GNB4: variants seen among roughly 807,000 people sequenced by gnomAD.
GNB4 encodes the protein G protein subunit beta 4.
GNB4 carries 28 observed loss-of-function variants against 45.2 expected under a neutral mutation model. That is an observed-to-expected ratio of 0.62 (90% CI 0.46 to 0.85). The LOEUF (loss-of-function observed/expected upper bound fraction) is 0.85. GNB4 is among the 40% of genes least tolerant of loss of function. GNB4 has a pLI of 0.00. For synonymous variants in GNB4, 132 were observed against 143.7 expected, an observed-to-expected ratio of 0.92 and a Z score of 0.58; for missense variants, 321 against 425.4, an observed-to-expected ratio of 0.75 and a Z score of 2.16.
At chr3:179,470,747 G>A in the GNB4 span, among the ~76,000 whole-genome samples, 1 of 151,804 alleles carries the variant, frequency 6.6e-6, no homozygotes, top group South Asian at 2.1e-4. Flanking sequence ...GTTTTATCGT[G>A]TTAGCCAGGA....
chr3:179,500,981 T>C, the GNB4 span, among the ~76,000 whole-genome samples: 1 of 152,220 alleles, frequency 6.6e-6, no homozygotes, highest in East Asian at 1.9e-4. Flanking sequence ...GATTTTGGGC[T>C]GAGATGATGG....
chr3:179,517,009 G>T, the GNB4 span, among the ~76,000 whole-genome samples: 1,094 of 152,202 alleles, frequency 7.2e-3, 13 homozygotes, highest in African/African-American at 0.025. Flanking sequence ...GAGGATCCTC[G>T]CATAGTGAGG....
chr3:179,438,405 T>C (rs1034916189), intron 1 of GNB4, among the ~76,000 whole-genome samples: 1 of 152,212 alleles, frequency 6.6e-6, no homozygotes, highest in East Asian at 1.9e-4. Context: ...AGTGGGGATC[T>C]CTACCCCTAT....
At chr3:179,511,346 C>T in the GNB4 span, among the ~76,000 whole-genome samples, 1 of 152,164 alleles carries the variant, frequency 6.6e-6, no homozygotes, top group Non-Finnish European at 1.5e-5. Flanking sequence ...TACTCCCTAC[C>T]CAGAGCAGGC....
chr3:179,494,833 G>A, the GNB4 span, among the ~76,000 whole-genome samples: 14 of 148,970 alleles, frequency 9.4e-5, no homozygotes, highest in East Asian at 2.0e-4. Context: ...GCATGAACCC[G>A]GGAGGCGGAG....
At chr3:179,499,681 T>A in the GNB4 span, among the ~76,000 whole-genome samples, 16,407 of 152,256 alleles carry the variant, frequency 0.11, 1,158 homozygotes, top group Admixed American at 0.18. Flanking sequence ...TCTTCCACAA[T>A]GGTCGAACTA....
intron 1 of GNB4, among the ~76,000 whole-genome samples, chr3:179,441,893 C>T (rs920937993): frequency 3.9e-5 from 6 of 151,988 alleles, no homozygotes; most frequent in African/African-American, 1.4e-4. Flanking sequence ...CTGCAAACTC[C>T]GCCTCCTGGG....
the GNB4 span, among the ~76,000 whole-genome samples, chr3:179,473,025 T>A: frequency 6.6e-6 from 1 of 152,108 alleles, no homozygotes; most frequent in African/African-American, 2.4e-5. Flanking sequence ...TAGCCAGCCA[T>A]GGTGGCACAC....
At chr3:179,471,982 A>G in the GNB4 span, among the ~76,000 whole-genome samples, 1 of 152,198 alleles carries the variant, frequency 6.6e-6, no homozygotes, top group Non-Finnish European at 1.5e-5. Flanking sequence ...AATTATTTAT[A>G]TTAGGGAAAA....
At chr3:179,513,023 C>T in the GNB4 span, among the ~76,000 whole-genome samples, 24 of 151,208 alleles carry the variant, frequency 1.6e-4, no homozygotes, top group African/African-American at 5.4e-4. Flanking sequence ...TCGTGGAACT[C>T]GGGGATGGCT....
intron 4 of GNB4, among the ~76,000 whole-genome samples, chr3:179,417,827 G>C (rs1714847421): frequency 6.6e-6 from 1 of 152,206 alleles, no homozygotes; most frequent in African/African-American, 2.4e-5. Flanking sequence ...AACATTATCA[G>C]ATTCTTGGGT....
At chr3:179,429,567 A>T (rs1329730166) in intron 1 of GNB4, among the ~76,000 whole-genome samples, 3 of 152,216 alleles carry the variant, frequency 2.0e-5, no homozygotes, top group Non-Finnish European at 4.4e-5. Flanking sequence ...CTTCTTAACC[A>T]GGCTTCATCC....
At chr3:179,426,264 G>C in intron 1 of GNB4, 22 bp from the exon 2 acceptor site, 1 of 1,245,834 alleles carries the variant, frequency 8.0e-7, no homozygotes, top group Non-Finnish European at 1.1e-6. Context: ...CAGAGAGCAA[G>C]AGAAAGATTC....
the GNB4 span, among the ~76,000 whole-genome samples, chr3:179,461,626 A>G: frequency 2.6e-5 from 4 of 152,260 alleles, no homozygotes; most frequent in Non-Finnish European, 4.4e-5. Context: ...TTAAATGTCC[A>G]TGAAATCAGA....
intron 2 of GNB4, 129 bp downstream of exon 2, chr3:179,426,015 C>G (rs1715137142): frequency 5.8e-6 from 4 of 691,030 alleles, no homozygotes; most frequent in Non-Finnish European, 9.7e-6. Flanking sequence ...CTTACTTCGC[C>G]ATGTGAGAGA....
the GNB4 span, among the ~76,000 whole-genome samples, chr3:179,475,672 C>A: frequency 3.3e-5 from 5 of 151,670 alleles, no homozygotes; most frequent in Non-Finnish European, 7.4e-5. Context: ...CAGGGTTTCA[C>A]CATGTTGGCC....
Position 179,400,704 on chromosome 3 carries a change from T to C in GNB4, c.*509A>G, listed in dbSNP as rs1714270017. On this transcript the variant is annotated 3_prime_UTR_variant, in exon 10 of 10. Transcript: ENST00000232564. ...CCCCACCTGTCAATGCTCTTAAACATGAAGCTATCAGGATCTCTTAGATTC... is the reference window on the plus strand; with the variant it reads ...CCCCACCTGTCAATGCTCTTAAACACGAAGCTATCAGGATCTCTTAGATTC... 1 of 152,262 alleles carries C rather than the reference T, an allele frequency of 6.6e-6. No individual in the cohort carries two copies. The highest frequency in any genetic ancestry group is 2.1e-4 in the South Asian group (1 of 4,832). The allele number at this position is 152,262 out of a possible 1,614,324, so 9.4% of individuals were successfully genotyped here. A position where few individuals can be genotyped will look rare whatever the true frequency, so the allele number is the denominator to read the frequency against.
intron 1 of GNB4, among the ~76,000 whole-genome samples, chr3:179,434,905 C>A (rs182553369): frequency 2.0e-5 from 3 of 151,858 alleles, no homozygotes; most frequent in African/African-American, 7.3e-5. Flanking sequence ...CAGAATGACA[C>A]CCTGTCTCTT....
At chr3:179,406,042 CTTTTG>C (rs771872731) in intron 8 of GNB4, 1 of 152,096 alleles carries the variant, frequency 6.6e-6, no homozygotes, top group East Asian at 1.9e-4. Flanking sequence ...TTTTTAATGG[CTTTTG>C]TTTTATGAAT....
Sources: gnomAD v4.1 joint callset for allele counts (sites outside exome capture counted in the v4.1 genomes callset) on GRCh38, gnomAD v4.1.1 for gene constraint, MANE v1.5 for transcripts, NCBI Gene and HGNC (gene_info 2026-07-23, HGNC 2026-07-21) for gene names.